Variants in PRTG observed in about 807,000 individuals in gnomAD.
PRTG encodes immunoglobulin superfamily, DCC subclass, member 5.
A neutral mutation model predicts 122.5 loss-of-function variants in PRTG; 67 were observed. The ratio of observed to expected loss-of-function variants is 0.55; its 90% CI spans 0.45 to 0.67. PRTG has a LOEUF of 0.67. Ranked by LOEUF, PRTG falls within the 30% of genes least tolerant of loss-of-function variation. The pLI, the probability that PRTG is intolerant of heterozygous loss-of-function variation, is 0.00. For missense variants in PRTG, 1,435 were observed against 1,415.4 expected, an observed-to-expected ratio of 1.01 and a Z score of -0.22; for synonymous variants, 554 against 501.1, an observed-to-expected ratio of 1.11 and a Z score of -1.41.
At chr15:55,628,138 C>T (rs900684477) in intron 16 of PRTG, among the ~76,000 whole-genome samples, 2 of 152,152 alleles carry the variant, frequency 1.3e-5, no homozygotes, top group Admixed American at 1.3e-4. Flanking sequence ...TCCCTGGCAC[C>T]GAATGACCAT....
chr15:55,629,373 A>ATGTGTG (rs1491345628), intron 15 of PRTG, among the ~76,000 whole-genome samples: 390 of 54,168 alleles, frequency 7.2e-3, no homozygotes, highest in Admixed American at 8.6e-3. Flanking sequence ...ATATATATAT[A>ATGTGTG]TATGTGTGTG....
intron 2 of PRTG, among the ~76,000 whole-genome samples, chr15:55,704,675 C>T (rs537824989): frequency 2.0e-5 from 3 of 152,304 alleles, no homozygotes; most frequent in Admixed American, 2.0e-4. Flanking sequence ...TGTTATGCCA[C>T]ACAATTCATT....
chr15:55,722,262 C>G (rs987119596), intron 2 of PRTG, among the ~76,000 whole-genome samples: 1 of 152,190 alleles, frequency 6.6e-6, no homozygotes, highest in African/African-American at 2.4e-5. Flanking sequence ...CAGGAATAAA[C>G]TTTATTGTTG....
chr15:55,649,094 A>C (rs1391843896), intron 11 of PRTG, among the ~76,000 whole-genome samples: 1 of 151,724 alleles, frequency 6.6e-6, no homozygotes, highest in African/African-American at 2.4e-5. Context: ...GTCTCAAAAA[A>C]AAAAAGAAAA....
intron 2 of PRTG, among the ~76,000 whole-genome samples, chr15:55,697,610 G>C (rs1221671008): frequency 2.6e-5 from 4 of 152,102 alleles, no homozygotes; most frequent in Non-Finnish European, 5.9e-5. Context: ...TCATGCCTCA[G>C]CCTCCCAAGT....
intron 2 of PRTG, among the ~76,000 whole-genome samples, chr15:55,684,421 A>G (rs1225832881): frequency 1.3e-5 from 2 of 152,186 alleles, no homozygotes; most frequent in Non-Finnish European, 2.9e-5. Context: ...AAAGAATAAC[A>G]TGAAGACAAG....
chr15:55,636,546 T>C (rs2059258712), intron 15 of PRTG, among the ~76,000 whole-genome samples: 1 of 152,142 alleles, frequency 6.6e-6, no homozygotes, highest in African/African-American at 2.4e-5. Flanking sequence ...TAATCCTCAC[T>C]ATCCTAGTCC....
At chr15:55,721,118 T>C (rs1386479540) in intron 2 of PRTG, among the ~76,000 whole-genome samples, 1 of 152,212 alleles carries the variant, frequency 6.6e-6, no homozygotes, top group Non-Finnish European at 1.5e-5. Context: ...ATCCTGAACT[T>C]TTCCCTCTCC....
chr15:55,735,718 TAAA>T (rs35182605), intron 2 of PRTG, among the ~76,000 whole-genome samples: 16 of 114,282 alleles, frequency 1.4e-4, no homozygotes, highest in African/African-American at 4.1e-4. Flanking sequence ...CATGCTTTGC[TAAA>T]AAAAAAAAAA....
intron 15 of PRTG, among the ~76,000 whole-genome samples, chr15:55,633,078 T>G (rs543659161): frequency 3.1e-4 from 47 of 152,204 alleles, no homozygotes; most frequent in South Asian, 2.1e-3. Context: ...ATGATGAAAA[T>G]TTTTTGAAAG....
chr15:55,656,322 G>A (rs2059379829), intron 11 of PRTG: 1 of 454,948 alleles, frequency 2.2e-6, no homozygotes, highest in Non-Finnish European at 4.4e-6. Context: ...TCACAATCCG[G>A]ACTTATCTGA....
chr15:55,652,734 A>T (rs894081326), intron 11 of PRTG, among the ~76,000 whole-genome samples: 2 of 152,204 alleles, frequency 1.3e-5, no homozygotes, highest in Admixed American at 6.5e-5. Context: ...TAAGCACAGT[A>T]ACAAAAACAC....
chr15:55,642,201 AAAT>A, intron 11 of PRTG, among the ~76,000 whole-genome samples: 1 of 150,452 alleles, frequency 6.6e-6, no homozygotes, highest in African/African-American at 2.5e-5. Flanking sequence ...AAAAAAAAAA[AAAT>A]AGTTATACAT....
rs377763914 is a variant in PRTG at position 55,680,114 on chromosome 15, G to A, written c.913C>T (p.Arg305Trp). 1.6e-5 allele frequency: 26 copies of A among 1,613,492 alleles called. No individual in the cohort carries two copies. Among genetic ancestry groups the A allele is most frequent in the African/African-American group, 5.3e-5 (4 of 75,004 alleles). ...RLQHAGVYVCRATTPGTRNFT... is the reference protein window; with the variant it reads ...RLQHAGVYVCWATTPGTRNFT... ...TTGCGTGTGCCAGGGGTAGTGGCCC[G>A]ACAAACATATACTCCAGCATGTTGT... Residue 305 changes from arginine (R) to tryptophan (W), a missense_variant, in exon 6 of 20, where the codon CGG becomes TGG. Physicochemically the swap from Arg to Trp is moderately radical, Grantham distance 101 (BLOSUM62 -3). Coordinates refer to ENST00000389286, the MANE Select transcript of PRTG (RefSeq NM_173814.6).
rs373002980 is a variant in PRTG at position 55,620,109 on chromosome 15, C to A, written c.3356G>T (p.Gly1119Val). The A allele has an allele frequency of 8.5e-5, 138 of 1,614,144 alleles. No homozygotes were observed. The East Asian group carries it at 2.3e-3, about 27-fold the overall frequency. Residue 1119 changes from glycine (G) to valine (V), a missense_variant, in exon 20 of 20, where the codon GGC becomes GTC. Transcript: ENST00000389286. ...CCCAGAATCCCCAGTCTCATGGCTG[C>A]CTTCACTATTTGCTGAATGTTCTGT... Reference protein sequence around the residue: ...ADTEHSANSEGSHETGDSGRF... With the variant: ...ADTEHSANSEVSHETGDSGRF...
intron 2 of PRTG, among the ~76,000 whole-genome samples, chr15:55,694,492 A>G (rs78434923): frequency 6.6e-6 from 1 of 152,194 alleles, no homozygotes; most frequent in Non-Finnish European, 1.5e-5. Flanking sequence ...AATTACAAGA[A>G]AAAACTTGAA....
At chr15:55,717,139 T>C (rs1215154209) in intron 2 of PRTG, among the ~76,000 whole-genome samples, 1 of 152,216 alleles carries the variant, frequency 6.6e-6, no homozygotes, top group Non-Finnish European at 1.5e-5. Context: ...TTGGCTTTTA[T>C]TGGAGAATAA....
chr15:55,649,618 C>T (rs1370923476), intron 11 of PRTG, among the ~76,000 whole-genome samples: 1 of 151,996 alleles, frequency 6.6e-6, no homozygotes, highest in Non-Finnish European at 1.5e-5. Flanking sequence ...AACTCCATCT[C>T]TACTAAAAAT....
At chr15:55,670,416 T>C (rs1427092054) in intron 11 of PRTG, among the ~76,000 whole-genome samples, 1 of 152,180 alleles carries the variant, frequency 6.6e-6, no homozygotes, top group Non-Finnish European at 1.5e-5. Context: ...TCCCAAATCA[T>C]GTTTCTTACA....
Sources: gnomAD v4.1 joint callset for allele counts (sites outside exome capture counted in the v4.1 genomes callset) on GRCh38, gnomAD v4.1.1 for gene constraint, MANE v1.5 for transcripts, NCBI Gene and HGNC (gene_info 2026-07-23, HGNC 2026-07-21) for gene names.